The following SLC35F3 variants were observed in gnomAD, a reference collection of about 807,000 sequenced individuals.
SLC35F3 encodes solute carrier family 35 member F3, also known as putative thiamine transporter SLC35F3.
Under a neutral mutation model 49.9 loss-of-function variants are expected in SLC35F3, and 25 were observed. The observed-to-expected ratio is 0.50, with a 90% CI of 0.37 to 0.70. The LOEUF (loss-of-function observed/expected upper bound fraction) is 0.70. Ranked by LOEUF, SLC35F3 falls within the 30% of genes least tolerant of loss-of-function variation. The pLI is 0.00. For missense variants in SLC35F3, 525 were observed against 639.8 expected (o/e 0.82, Z 1.94); for synonymous variants, 275 against 265.4 (o/e 1.04, Z -0.35).
intron 2 of SLC35F3, among the ~76,000 whole-genome samples, chr1:233,926,151 C>T (rs1022111021): frequency 2.0e-5 from 3 of 152,096 alleles, no homozygotes; most frequent in African/African-American, 7.2e-5. Context: ...GTGGCATTCT[C>T]TGTATTTCCT....
At chr1:234,081,169 G>C (rs182980354) in intron 2 of SLC35F3, among the ~76,000 whole-genome samples, 1 of 152,016 alleles carries the variant, frequency 6.6e-6, no homozygotes, top group Non-Finnish European at 1.5e-5. Flanking sequence ...CCCATGCCTC[G>C]GTCAAAATAT....
At chr1:234,145,540 G>A (rs1050158038) in intron 2 of SLC35F3, among the ~76,000 whole-genome samples, 2 of 152,080 alleles carry the variant, frequency 1.3e-5, no homozygotes, top group Non-Finnish European at 2.9e-5. Context: ...TCCATGAGCC[G>A]TGGACTCCAA....
chr1:233,969,266 A>G (rs759351103), intron 2 of SLC35F3, among the ~76,000 whole-genome samples: 1 of 152,178 alleles, frequency 6.6e-6, no homozygotes, highest in Non-Finnish European at 1.5e-5. Context: ...TAAAGGGGCT[A>G]TAGGAATGGC....
intron 2 of SLC35F3, among the ~76,000 whole-genome samples, chr1:234,094,998 T>G (rs1023175845): frequency 2.6e-5 from 4 of 152,190 alleles, no homozygotes; most frequent in Non-Finnish European, 5.9e-5. Flanking sequence ...CACTACACAT[T>G]GCACTTTACA....
intron 2 of SLC35F3, among the ~76,000 whole-genome samples, chr1:233,976,812 T>C (rs1038597978): frequency 6.6e-6 from 1 of 152,198 alleles, no homozygotes; most frequent in Non-Finnish European, 1.5e-5. Context: ...GGTTTCACCA[T>C]GTTCGTAAGG....
chr1:234,058,328 A>ATTTTTTT lies in SLC35F3; in HGVS notation c.283+152594_283+152600dup, dbSNP rs56960667. 3.4e-3 allele frequency among the ~76,000 whole-genome samples: 134 copies of ATTTTTTT among 39,788 alleles called. 37 individuals carry two copies. Among genetic ancestry groups the ATTTTTTT allele is most frequent in the African/African-American group, 0.017 (123 of 7,280 alleles). The allele number at this position is 39,788 out of a possible 152,430, so 26.1% of individuals were successfully genotyped here. ...TAATTGTCTTTATAAATGTTCCTGA[A>ATTTTTTT]TTTTTTTTTTTTTTTTTTTTTTTTT... On this transcript the variant is annotated intron_variant, in intron 2 of 7. Coordinates refer to ENST00000366618, the MANE Select transcript of SLC35F3 (RefSeq NM_173508.4).
chr1:233,998,708 T>G (rs1663502431), intron 2 of SLC35F3, among the ~76,000 whole-genome samples: 2 of 152,156 alleles, frequency 1.3e-5, no homozygotes, highest in African/African-American at 2.4e-5. Flanking sequence ...GAAACTGAAT[T>G]TTAAATTTTA....
At chr1:234,117,217 T>C (rs1572058180) in intron 2 of SLC35F3, among the ~76,000 whole-genome samples, 1 of 152,184 alleles carries the variant, frequency 6.6e-6, no homozygotes, top group East Asian at 1.9e-4. Context: ...TAAGCATGAC[T>C]CTTAGCTCTG....
At chr1:234,252,053 A>G (rs1667746150) in intron 3 of SLC35F3, among the ~76,000 whole-genome samples, 2 of 151,838 alleles carry the variant, frequency 1.3e-5, no homozygotes, top group Non-Finnish European at 2.9e-5. Context: ...GTTATCAAAG[A>G]AAAGATTGAT....
At position 234,315,366 on chromosome 1, in the gene SLC35F3, A is replaced by G. The variant is rs76274503; in HGVS notation, c.829-1236A>G. Among the ~76,000 whole-genome samples the G allele has an allele frequency of 2.6e-5, 4 of 152,332 alleles. No homozygotes were observed. In the East Asian group the frequency reaches 5.8e-4, roughly 22 times the overall value. On this transcript the variant is annotated intron_variant, in intron 4 of 7. Coordinates refer to ENST00000366618, the MANE Select transcript of SLC35F3 (RefSeq NM_173508.4). ...TGTTTTAACTACTAAGGCAACCTCA[A>G]TTTGAATCTAACAGTAGGTTGGCAG... is the stretch of plus-strand genomic sequence containing the variant.
In SLC35F3 at chr1:234,161,646, G is replaced by A. The variant is rs371713412; in HGVS notation, c.284-69771G>A. Among the ~76,000 whole-genome samples the A allele has an allele frequency of 5.5e-4, 83 of 152,058 alleles. No individual in the cohort carries two copies. In the South Asian group the frequency reaches 0.012, roughly 21 times the overall value. On this transcript the variant is annotated intron_variant, in intron 2 of 7. Coordinates refer to ENST00000366618, the MANE Select transcript of SLC35F3 (RefSeq NM_173508.4). ...CTGGAAAATGTAAAACAAAAAATAC[G>A]TATATAAAACTTAGCGAGGTGTGGT...
chr1:234,048,798 T>C (rs955921136), intron 2 of SLC35F3, among the ~76,000 whole-genome samples: 3 of 152,208 alleles, frequency 2.0e-5, no homozygotes, highest in East Asian at 1.9e-4. Flanking sequence ...AGGCAGTACA[T>C]TGAGCCAAAG....
At chr1:233,967,580 A>T (rs1426254277) in intron 2 of SLC35F3, among the ~76,000 whole-genome samples, 1 of 152,198 alleles carries the variant, frequency 6.6e-6, no homozygotes, top group East Asian at 1.9e-4. Context: ...TGTTTATGAT[A>T]AACAGTCCAT....
chr1:234,123,047 C>T lies in SLC35F3; in HGVS notation c.284-108370C>T, dbSNP rs182752840. On this transcript the variant is annotated intron_variant, in intron 2 of 7. Coordinates refer to ENST00000366618, the MANE Select transcript of SLC35F3 (RefSeq NM_173508.4). ...TAGATCCTTGAGGAATTGCCACACT[C>T]TCTTCCACAGTGGTTGAACTAATTT... Among the ~76,000 whole-genome samples the T allele has an allele frequency of 8.7e-4, 132 of 152,314 alleles. 4 individuals carry two copies. The South Asian group carries it at 0.027, about 32-fold the overall frequency.
chr1:234,304,045 CTTTCTTTCCTTCCTTTCCTTCCTTCCTTT>C (rs1668735241), intron 3 of SLC35F3, among the ~76,000 whole-genome samples: 2 of 16,392 alleles, frequency 1.2e-4, no homozygotes, highest in African/African-American at 8.4e-4. Flanking sequence ...TTCCTTCCTT[CTTTCTTTCCTTCCTTTCCTTCCTTCCTTT>C]CTTCCTTCCT....
chr1:233,940,985 G>A (rs1303990151), intron 2 of SLC35F3, among the ~76,000 whole-genome samples: 6 of 152,164 alleles, frequency 3.9e-5, no homozygotes, highest in Non-Finnish European at 7.3e-5. Context: ...TAGTGGATAG[G>A]CCATAAACTT....
intron 2 of SLC35F3, among the ~76,000 whole-genome samples, chr1:234,001,749 C>T (rs914829298): frequency 6.6e-6 from 1 of 152,152 alleles, no homozygotes; most frequent in African/African-American, 2.4e-5. Flanking sequence ...AGGAAGAGGG[C>T]AAAACCATAG....
chr1:233,963,843 A>G (rs1286642334), intron 2 of SLC35F3, among the ~76,000 whole-genome samples: 1 of 152,086 alleles, frequency 6.6e-6, no homozygotes, highest in Non-Finnish European at 1.5e-5. Context: ...ATTGCCCCAC[A>G]TTTGCACTTA....
At chr1:234,100,018 C>A (rs980583892) in intron 2 of SLC35F3, among the ~76,000 whole-genome samples, 2 of 152,068 alleles carry the variant, frequency 1.3e-5, no homozygotes, top group African/African-American at 4.8e-5. Context: ...TTAAACATGG[C>A]AGTAGCAGAC....
Sources: gnomAD v4.1 joint callset for allele counts (sites outside exome capture counted in the v4.1 genomes callset) on GRCh38, gnomAD v4.1.1 for gene constraint, MANE v1.5 for transcripts, NCBI Gene and HGNC (gene_info 2026-07-23, HGNC 2026-07-21) for gene names.